POMT2: variants seen among roughly 807,000 people sequenced by gnomAD.
POMT2 encodes protein O-mannosyltransferase 2, also known as protein O-mannosyl-transferase 2.
POMT2 carries 75 observed loss-of-function variants against 100.0 expected under a neutral mutation model. That is an observed-to-expected ratio of 0.75 (90% CI 0.62 to 0.91). The LOEUF (loss-of-function observed/expected upper bound fraction) is 0.91. Ranked by LOEUF, POMT2 falls within the 40% of genes least tolerant of loss-of-function variation. The pLI is 0.00. For missense variants in POMT2, 940 were observed against 955.1 expected (o/e 0.98, Z 0.21); for synonymous variants, 378 against 374.1 (o/e 1.01, Z -0.12).
At chr14:77,288,900 G>T in intron 10 of POMT2, 69 bp from the exon 11 acceptor site, 1 of 1,319,164 alleles carries the variant, frequency 7.6e-7, no homozygotes, top group South Asian at 1.2e-5. Flanking sequence ...AGGGCCTACT[G>T]GTAAACAGTT....
intron 18 of POMT2, 184 bp from the exon 19 acceptor site, chr14:77,279,053 G>A: frequency 2.5e-6 from 2 of 814,430 alleles, no homozygotes. Flanking sequence ...TCTGGTCAGG[G>A]CCCAGCCTAG....
intron 2 of POMT2, among the ~76,000 whole-genome samples, chr14:77,309,326 CTTATGTT>C (rs1286819816): frequency 2.1e-4 from 32 of 152,110 alleles, no homozygotes; most frequent in Admixed American, 2.1e-3. Flanking sequence ...AAGTTCCTGT[CTTATGTT>C]TTAAGTTCCT....
chr14:77,299,544 G>A lies in POMT2; in HGVS notation c.834C>T (p.His278=). 6.2e-7 allele frequency: 1 copy of A among 1,614,160 alleles called. No individual in the cohort carries two copies. Among genetic ancestry groups the A allele is most frequent in the Non-Finnish European group, 8.5e-7 (1 of 1,180,004 alleles). Residue 278 remains histidine (H), a synonymous_variant, in exon 7 of 21, where the codon CAC becomes CAT. Coordinates refer to ENST00000261534, the MANE Select transcript of POMT2 (RefSeq NM_013382.7). ...LSLSLVTVGK[H]LTARVLCLIV... is the part of the protein sequence containing the mutation. ...TGAGGCACAGGACACGAGCAGTCAGGTGTTTTCCCACAGTCACCTGCAAAC... is the reference window on the plus strand; with the variant it reads ...TGAGGCACAGGACACGAGCAGTCAGATGTTTTCCCACAGTCACCTGCAAAC...
At chr14:77,310,089 C>A (rs963434775) in intron 2 of POMT2, among the ~76,000 whole-genome samples, 1 of 152,228 alleles carries the variant, frequency 6.6e-6, no homozygotes. Flanking sequence ...AAAGACTGGG[C>A]TGGGTTTCCT....
chr14:77,306,117 A>G, intron 3 of POMT2: 1 of 625,138 alleles, frequency 1.6e-6, no homozygotes, highest in Non-Finnish European at 2.6e-6. Context: ...GCTTCTATCT[A>G]TGTCATCTCT....
chr14:77,306,452 A>T lies in POMT2; in HGVS notation c.334-11T>A. 1 of 1,611,326 alleles carries T rather than the reference A, an allele frequency of 6.2e-7. No individual in the cohort carries two copies. The highest frequency in any genetic ancestry group is 2.2e-5 in the East Asian group (1 of 44,836). ...AAGACCTATCAGCATCTGAGGAGAG[A>T]AGAACAAACAAAAAGATGAGAAGCC... is the stretch of plus-strand genomic sequence containing the variant. On this transcript the variant is annotated splice_polypyrimidine_tract_variant and intron_variant, in intron 2 of 20. Transcript: ENST00000261534.
At position 77,306,455 on chromosome 14, in the gene POMT2, A is replaced by T; in HGVS notation, c.334-14T>A. The T allele has an allele frequency of 6.2e-7, 1 of 1,611,144 alleles. No individual in the cohort carries two copies. The highest frequency in any genetic ancestry group is 1.3e-5 in the African/African-American group (1 of 75,000). On this transcript the variant is annotated splice_polypyrimidine_tract_variant and intron_variant, in intron 2 of 20. Coordinates refer to ENST00000261534, the MANE Select transcript of POMT2 (RefSeq NM_013382.7). ...ACCTATCAGCATCTGAGGAGAGAAG[A>T]ACAAACAAAAAGATGAGAAGCCTTT...
Position 77,278,448 on chromosome 14 carries a change from G to A in POMT2, c.2093C>T (p.Ala698Val), listed in dbSNP as rs1265025838. ...CAWGLASWPL[A>V]RGIHVAGILS... ...GATTCCCGCCACATGTATGCCCCTC[G>A]CCAGGGGCCATGAGGCCAAGCCCCA... The change falls in exon 20 of 21, where the codon GCG becomes GTG. Residue 698 changes from alanine to valine, a missense_variant. Coordinates refer to ENST00000261534, the MANE Select transcript of POMT2 (RefSeq NM_013382.7). The A allele has an allele frequency of 2.7e-6, 4 of 1,504,584 alleles. No homozygotes were observed. Among genetic ancestry groups the A allele is most frequent in the Middle Eastern group, 1.7e-4 (1 of 5,908 alleles). The allele number at this position is 1,504,584 out of a possible 1,614,324, so 93.2% of individuals were successfully genotyped here.
chr14:77,284,282 G>C (rs1203144964), intron 14 of POMT2: 2 of 304,858 alleles, frequency 6.6e-6, no homozygotes, highest in Admixed American at 9.0e-5. Context: ...TGTCGGGATG[G>C]GGACCAAGTC....
In POMT2 at chr14:77,311,988, G is replaced by A. The variant is rs1218044965; in HGVS notation, c.294C>T (p.Asn98=). 1.2e-6 allele frequency: 2 copies of A among 1,613,930 alleles called. No homozygotes were observed. Among genetic ancestry groups the A allele is most frequent in the African/African-American group, 1.3e-5 (1 of 74,880 alleles). Residue 98 remains asparagine, a synonymous_variant, in exon 2 of 21, where the codon AAC becomes AAT. Transcript: ENST00000261534. ...HFGKMGSYYI[N]RTFFFDVHPP... is the part of the protein sequence containing the mutation. ...GGTGCACATCAAAGAAAAATGTACG[G>A]TTGATATAGTAACTTCCCATTTTTC... is the stretch of plus-strand genomic sequence containing the variant.
At chr14:77,284,342 T>A (rs117662850) in intron 14 of POMT2, 1 of 216,316 alleles carries the variant, frequency 4.6e-6, no homozygotes, top group East Asian at 1.1e-4. Context: ...CCTGGCATAC[T>A]TGATAAAGAG....
In POMT2 at chr14:77,283,845, C is replaced by T; in HGVS notation, c.1605G>A (p.Gln535=). 1 of 1,613,236 alleles carries T rather than the reference C, an allele frequency of 6.2e-7. No homozygotes were observed. The highest frequency in any genetic ancestry group is 2.2e-5 in the East Asian group (1 of 44,880). ...CCAGCAAGATCTCAGGAAAACTGGG[C>T]TGTAGCACATCCAGGCTGATGTTTG... ...KLPNISLDVL[Q]PSFPEILLES... Residue 535 remains glutamine, a synonymous_variant, in exon 15 of 21, where the codon CAG becomes CAA. Transcript: ENST00000261534.
At chr14:77,300,918 C>T (rs111536198) in intron 6 of POMT2, 172 bp downstream of exon 6, 61 of 1,143,178 alleles carry the variant, frequency 5.3e-5, no homozygotes, top group African/African-American at 1.5e-4. Flanking sequence ...AGTCCTCAGC[C>T]GGGCCCACTC....
intron 20 of POMT2, among the ~76,000 whole-genome samples, chr14:77,277,863 C>T (rs1347801896): frequency 2.6e-5 from 4 of 152,206 alleles, no homozygotes; most frequent in Non-Finnish European, 5.9e-5. Context: ...TTCCAAACAA[C>T]TCTCCCTTTC....
At chr14:77,299,317 G>C (rs1287410474) in intron 7 of POMT2, 138 bp downstream of exon 7, 3 of 765,202 alleles carry the variant, frequency 3.9e-6, no homozygotes, top group Non-Finnish European at 6.9e-6. Context: ...GAACATAGCA[G>C]GAAAGAAACA....
At chr14:77,316,663 A>C (rs560141039) in intron 1 of POMT2, among the ~76,000 whole-genome samples, 1 of 151,950 alleles carries the variant, frequency 6.6e-6, no homozygotes, top group Non-Finnish European at 1.5e-5. Flanking sequence ...TCTGGGAGAA[A>C]CAACCTTCTC....
intron 1 of POMT2, among the ~76,000 whole-genome samples, chr14:77,317,105 G>GT (rs1298302275): frequency 6.6e-6 from 1 of 152,092 alleles, no homozygotes; most frequent in South Asian, 2.1e-4. Context: ...TAGGCACAAC[G>GT]TAAGGGACTA....
chr14:77,281,865 C>T (rs1184652991), intron 15 of POMT2, among the ~76,000 whole-genome samples: 1 of 152,186 alleles, frequency 6.6e-6, no homozygotes, highest in Non-Finnish European at 1.5e-5. Flanking sequence ...CAATTAAGAA[C>T]CACTGGTATA....
chr14:77,306,153 T>C, intron 3 of POMT2, 184 bp downstream of exon 3: 1 of 1,027,026 alleles, frequency 9.7e-7, no homozygotes, highest in African/African-American at 1.6e-5. Flanking sequence ...TCCTCTTCCC[T>C]TCTTCCTCAC....
Sources: gnomAD v4.1 joint callset for allele counts (sites outside exome capture counted in the v4.1 genomes callset) on GRCh38, gnomAD v4.1.1 for gene constraint, MANE v1.5 for transcripts, NCBI Gene and HGNC (gene_info 2026-07-23, HGNC 2026-07-21) for gene names.